Variants in TASOR observed in about 807,000 individuals in gnomAD.
The protein encoded by TASOR is protein TASOR.
A neutral mutation model predicts 178.6 loss-of-function variants in TASOR; 53 were observed. The observed-to-expected ratio is 0.30, with a 90% CI of 0.24 to 0.37. TASOR has a LOEUF of 0.37. Ranked by LOEUF, TASOR falls within the 10% of genes least tolerant of loss-of-function variation. The pLI is 1.00. For missense variants in TASOR, 1,815 were observed against 1,971.4 expected (o/e 0.92, Z 1.50); for synonymous variants, 713 against 696.2 (o/e 1.02, Z -0.38).
chr3:56,643,749 C>T (rs1381457050), intron 14 of TASOR, among the ~76,000 whole-genome samples: 11 of 138,728 alleles, frequency 7.9e-5, no homozygotes, highest in Non-Finnish European at 1.2e-4. Context: ...AGCGAGACTC[C>T]GTCTCAAAAA....
chr3:56,674,923 A>G (rs2031144264), intron 1 of TASOR, among the ~76,000 whole-genome samples: 1 of 152,086 alleles, frequency 6.6e-6, no homozygotes, highest in Admixed American at 6.5e-5. Context: ...GGTACACACC[A>G]TTCTCCTGCC....
intron 1 of TASOR, among the ~76,000 whole-genome samples, chr3:56,678,224 C>T (rs1035940968): frequency 7.7e-6 from 1 of 130,110 alleles, no homozygotes; most frequent in South Asian, 2.4e-4. Flanking sequence ...CACTGTTGCC[C>T]GGGCTGGAGT....
intron 18 of TASOR, 71 bp downstream of exon 18, chr3:56,632,973 T>G (rs1274465055): frequency 1.6e-6 from 2 of 1,244,946 alleles, no homozygotes; most frequent in African/African-American, 3.0e-5. Context: ...TACAAAAAAC[T>G]TCCATTTTAT....
Position 56,682,922 on chromosome 3 carries a change from G to T in TASOR, c.85C>A (p.Gln29Lys), listed in dbSNP as rs939276575. 1.3e-6 allele frequency: 2 copies of T among 1,539,176 alleles called. No homozygotes were observed. Among genetic ancestry groups the T allele is most frequent in the Admixed American group, 2.0e-5 (1 of 50,654 alleles). ...GAGGACTCAAGCTCCGGAAGCGCCT[G>T]CTTCATCTCGTCGTCTCCGCCGCCG... ...SGGGGDDEMK[Q>K]ALPELESSQQ... Residue 29 changes from glutamine to lysine, a missense_variant, in exon 1 of 24, where the codon CAG becomes AAG. Gln to Lys is a moderately conservative substitution (Grantham distance 53). This residue lies in a region of TASOR where 244 missense variants were observed against 202.7 expected (regional missense o/e 1.20). Transcript: ENST00000683822.
intron 14 of TASOR, 105 bp downstream of exon 14, chr3:56,646,417 C>G (rs2077239390): frequency 1.4e-5 from 12 of 869,372 alleles, no homozygotes; most frequent in Non-Finnish European, 2.1e-5. Context: ...AAATAGTGGA[C>G]AGGCTGAATT....
At chr3:56,680,042 G>T (rs1056369743) in intron 1 of TASOR, among the ~76,000 whole-genome samples, 1 of 152,116 alleles carries the variant, frequency 6.6e-6, no homozygotes, top group Admixed American at 6.5e-5. Flanking sequence ...ATTTAATGAA[G>T]GGGGGGAACA....
chr3:56,625,186 C>T (rs1165585054), intron 21 of TASOR, among the ~76,000 whole-genome samples, 180 bp from the exon 22 acceptor site: 1 of 152,144 alleles, frequency 6.6e-6, no homozygotes, highest in African/African-American at 2.4e-5. Flanking sequence ...AGGGATAAGT[C>T]CAGGGGTTTC....
At chr3:56,649,815 A>T (rs1380431961) in intron 11 of TASOR, among the ~76,000 whole-genome samples, 2 of 152,258 alleles carry the variant, frequency 1.3e-5, no homozygotes, top group Non-Finnish European at 2.9e-5. Flanking sequence ...ACATTTCAGT[A>T]GAGGCAACAC....
chr3:56,627,694 A>C lies in TASOR; in HGVS notation c.3918T>G (p.Ala1306=). Residue 1306 remains alanine (A), a synonymous_variant, in exon 20 of 24, where the codon GCT becomes GCG. Transcript: ENST00000683822. ...TAACATCATCCAGGCTATCAACACC[A>C]GCAAAACTAACACAGGGGAGCTTCT... ...TLKKLPCVSF[A]GVDSLDDVKN... is the part of the protein sequence containing the mutation. 6.2e-7 allele frequency: 1 copy of C among 1,614,138 alleles called. No individual in the cohort carries two copies. Among genetic ancestry groups the C allele is most frequent in the Non-Finnish European group, 8.5e-7 (1 of 1,179,986 alleles).
chr3:56,645,192 T>C (rs1388775741), intron 14 of TASOR, among the ~76,000 whole-genome samples: 1 of 152,184 alleles, frequency 6.6e-6, no homozygotes, highest in Non-Finnish European at 1.5e-5. Context: ...GAGAATCTTT[T>C]GAACCAGGTA....
intron 14 of TASOR, among the ~76,000 whole-genome samples, chr3:56,646,142 C>T (rs911005184): frequency 1.3e-5 from 2 of 151,864 alleles, no homozygotes; most frequent in Non-Finnish European, 2.9e-5. Context: ...ATCAAGACTC[C>T]GTCTCAAAAA....
intron 20 of TASOR, 139 bp downstream of exon 20, chr3:56,627,442 GA>G (rs1425632101): frequency 2.1e-6 from 2 of 943,988 alleles, no homozygotes; most frequent in Non-Finnish European, 3.2e-6. Context: ...AAGAGAAGGA[GA>G]AAGAAATTTG....
intron 2 of TASOR, 24 bp from the exon 3 acceptor site, chr3:56,671,716 A>C: frequency 6.8e-7 from 1 of 1,476,938 alleles, no homozygotes; most frequent in Non-Finnish European, 9.2e-7. Context: ...AAACTATAAC[A>C]ACTACTTAGC....
At chr3:56,677,741 G>C (rs933234434) in intron 1 of TASOR, among the ~76,000 whole-genome samples, 1 of 152,076 alleles carries the variant, frequency 6.6e-6, no homozygotes, top group Non-Finnish European at 1.5e-5. Flanking sequence ...AAAGAATTTC[G>C]TTCTAATACT....
At position 56,641,619 on chromosome 3, in the gene TASOR, G is replaced by A. The variant is rs138937142; in HGVS notation, c.2349C>T (p.Arg783=). 31 of 1,614,114 alleles carry A rather than the reference G, an allele frequency of 1.9e-5. No homozygotes were observed. The African/African-American group carries it at 4.1e-4, about 22-fold the overall frequency. Residue 783 remains arginine (R), a synonymous_variant, in exon 15 of 24, where the codon CGC becomes CGT. Transcript: ENST00000683822. ...TGTCTGTCAGAGATGCATCAGAATGGCGCGCATTTGCTAGTGTTTCTGATA... is the reference window on the plus strand; with the variant it reads ...TGTCTGTCAGAGATGCATCAGAATGACGCGCATTTGCTAGTGTTTCTGATA... ...NWLSETLANA[R]HSDASLTDTV... is the part of the protein sequence containing the mutation.
intron 11 of TASOR, among the ~76,000 whole-genome samples, chr3:56,650,424 T>TA (rs2077326773): frequency 6.6e-6 from 1 of 152,136 alleles, no homozygotes; most frequent in South Asian, 2.1e-4. Flanking sequence ...AAATGAGTCT[T>TA]AGATACCTGG....
intron 1 of TASOR, among the ~76,000 whole-genome samples, chr3:56,679,361 G>T (rs2031597291): frequency 6.6e-6 from 1 of 152,156 alleles, no homozygotes. Flanking sequence ...GTACAAATAC[G>T]AAACAAAGTT....
At chr3:56,676,996 AT>A (rs914825825) in intron 1 of TASOR, among the ~76,000 whole-genome samples, 4 of 152,162 alleles carry the variant, frequency 2.6e-5, no homozygotes, top group Admixed American at 2.6e-4. Flanking sequence ...ATAATTTCTC[AT>A]TTTTTCTGGT....
rs533306611 is a variant in TASOR at position 56,678,177 on chromosome 3, A to ATTTTTTT, written c.332-4459_332-4453dup. Among the ~76,000 whole-genome samples the ATTTTTTT allele has an allele frequency of 4.7e-4, 50 of 106,966 alleles. 1 individual carries two copies. Among genetic ancestry groups the ATTTTTTT allele is most frequent in the Middle Eastern group, 5.6e-3 (1 of 178 alleles). The allele number at this position is 106,966 out of a possible 152,430, so 70.2% of individuals were successfully genotyped here. ...TAGTATCATACAAAACACACTTATG[A>ATTTTTTT]TTTTTTTTTTTTTTTTTTTTTTGAG... is the stretch of plus-strand genomic sequence containing the variant. On this transcript the variant is annotated intron_variant, in intron 1 of 23. Transcript: ENST00000683822.
Sources: gnomAD v4.1 joint callset for allele counts (sites outside exome capture counted in the v4.1 genomes callset) on GRCh38, gnomAD v4.1.1 for gene constraint, gnomAD v4.1.1 regional missense constraint, MANE v1.5 for transcripts, NCBI Gene and HGNC (gene_info 2026-07-23, HGNC 2026-07-21) for gene names.